The following USP34 variants were observed in gnomAD, a reference collection of about 807,000 sequenced individuals.
USP34 encodes the protein ubiquitin specific peptidase 34, also known as ubiquitin carboxyl-terminal hydrolase 34.
Under a neutral mutation model 460.3 loss-of-function variants are expected in USP34, and 70 were observed. The observed-to-expected ratio is 0.15, with a 90% CI of 0.13 to 0.19. USP34 has a LOEUF of 0.19. Ranked by LOEUF, USP34 falls within the 10% of genes least tolerant of loss-of-function variation. The probability of loss-of-function intolerance (pLI) is 1.00; values close to 1 mark genes in which losing one functional copy is unlikely to be tolerated. For synonymous variants in USP34, 1,647 were observed against 1,405.3 expected (o/e 1.17, Z -3.85); for missense variants, 3,985 against 4,236.2 (o/e 0.94, Z 1.65).
intron 15 of USP34, 130 bp downstream of exon 15, chr2:61,347,740 C>G: frequency 6.9e-7 from 1 of 1,450,922 alleles, no homozygotes; most frequent in Non-Finnish European, 9.1e-7. Flanking sequence ...CTATTTGTAG[C>G]TTACATTTAT....
intron 10 of USP34, among the ~76,000 whole-genome samples, chr2:61,367,320 A>ACG (rs548208348): frequency 4.5e-4 from 67 of 150,362 alleles, no homozygotes; most frequent in African/African-American, 1.5e-3. Flanking sequence ...GCACACACAC[A>ACG]CGCGCGCGCA....
chr2:61,288,816 G>A lies in USP34; in HGVS notation c.4610C>T (p.Ser1537Phe). Residue 1537 changes from serine to phenylalanine, a missense_variant, in exon 34 of 80, where the codon TCC (serine) becomes TTC (phenylalanine). Coordinates refer to ENST00000398571, the MANE Select transcript of USP34 (RefSeq NM_014709.4). ...ATCATGATAAGCTAAATCCAAATCG[G>A]ATGGATCTACTGCAAACTGGCATAT... ...KLICQFAVDP[S>F]DLDLAYHDVF... 6.2e-7 allele frequency: 1 copy of A among 1,613,830 alleles called. No individual in the cohort carries two copies. Among genetic ancestry groups the A allele is most frequent in the Non-Finnish European group, 8.5e-7 (1 of 1,179,952 alleles).
intron 1 of USP34, among the ~76,000 whole-genome samples, chr2:61,437,046 G>A (rs1291388114): frequency 6.6e-6 from 1 of 152,182 alleles, no homozygotes. Context: ...CAAAAGCGGT[G>A]CACTGCTAAG....
intron 2 of USP34, among the ~76,000 whole-genome samples, chr2:61,411,464 C>G (rs1187969786): frequency 6.6e-6 from 1 of 152,038 alleles, no homozygotes; most frequent in Non-Finnish European, 1.5e-5. Context: ...AGTACCCTTC[C>G]TATCTGGTAA....
rs551644832 is a variant in USP34, at chr2:61,408,298, A to G, written c.132-2170T>C. 8.5e-4 allele frequency among the ~76,000 whole-genome samples: 129 copies of G among 152,216 alleles called. 2 individuals carry two copies. Among genetic ancestry groups the G allele is most frequent in the African/African-American group, 2.7e-3 (114 of 41,552 alleles). On this transcript the variant is annotated intron_variant, in intron 2 of 79. Transcript: ENST00000398571. ...AGAACCAAACAGCTAAAGGACTCCC[A>G]AATTCCTGTCCCATTGAAACTTTGA... is the stretch of plus-strand genomic sequence containing the variant.
chr2:61,307,974 G>A (rs558007357), intron 27 of USP34, among the ~76,000 whole-genome samples: 3 of 152,034 alleles, frequency 2.0e-5, no homozygotes, highest in South Asian at 4.1e-4. Context: ...ACCTGAGAAC[G>A]GGAGGTTAAG....
At chr2:61,417,432 C>T in intron 2 of USP34, 1 of 383,306 alleles carries the variant, frequency 2.6e-6, no homozygotes, top group East Asian at 5.1e-5. Context: ...TGTTAAACAG[C>T]ACTTAAAAAT....
chr2:61,248,693 A>G lies in USP34; in HGVS notation c.6222-10T>C. 1 of 1,541,544 alleles carries G rather than the reference A, an allele frequency of 6.5e-7. No individual in the cohort carries two copies. On this transcript the variant is annotated splice_polypyrimidine_tract_variant and intron_variant, in intron 48 of 79. Coordinates refer to ENST00000398571, the MANE Select transcript of USP34 (RefSeq NM_014709.4). ...TTTCTTAAAACATGCCCTGAGAGACAAGAAAAAAATTAATAAAGATTATTT... is the reference window on the plus strand; with the variant it reads ...TTTCTTAAAACATGCCCTGAGAGACGAGAAAAAAATTAATAAAGATTATTT...
At chr2:61,435,722 T>C (rs985213072) in intron 1 of USP34, among the ~76,000 whole-genome samples, 2 of 152,142 alleles carry the variant, frequency 1.3e-5, no homozygotes, top group Non-Finnish European at 2.9e-5. Context: ...ATGATTTAAA[T>C]TCCCCCATTT....
intron 68 of USP34, among the ~76,000 whole-genome samples, chr2:61,213,390 A>T (rs544750779): frequency 6.6e-6 from 1 of 150,846 alleles, no homozygotes; most frequent in East Asian, 1.9e-4. Flanking sequence ...CACCATCTAG[A>T]AAAAAAAAGA....
chr2:61,451,501 A>C (rs1695275806), intron 1 of USP34, among the ~76,000 whole-genome samples: 1 of 151,830 alleles, frequency 6.6e-6, no homozygotes. Context: ...CCTGACCAAG[A>C]GAGAAACCCC....
At chr2:61,226,854 A>C (rs1687743612) in intron 62 of USP34, 1 of 511,536 alleles carries the variant, frequency 2.0e-6, no homozygotes, top group Non-Finnish European at 3.2e-6. Flanking sequence ...AGATGAAGTA[A>C]AAGTTTGGTA....
At chr2:61,257,892 A>G (rs373437378) in intron 44 of USP34, among the ~76,000 whole-genome samples, 30 of 152,318 alleles carry the variant, frequency 2.0e-4, no homozygotes, top group African/African-American at 7.2e-4. Flanking sequence ...AAAACAAAAC[A>G]AACAAAAAAA....
chr2:61,348,834 A>G lies in USP34; in HGVS notation c.1596T>C (p.Ser532=), dbSNP rs777288430. 1.2e-6 allele frequency: 2 copies of G among 1,613,788 alleles called. No individual in the cohort carries two copies. Among genetic ancestry groups the G allele is most frequent in the East Asian group, 4.5e-5 (2 of 44,836 alleles). The change falls in exon 14 of 80, where the codon AGT becomes AGC. Residue 532 remains serine (S), a synonymous_variant. Transcript: ENST00000398571. ...QSSDNSDTHQ[S]GGSDIEMDEQ... ...CATCCATTTCAATGTCACTACCTCCACTTTGATGTGTATCGCTATTATCAC... is the reference window on the plus strand; with the variant it reads ...CATCCATTTCAATGTCACTACCTCCGCTTTGATGTGTATCGCTATTATCAC...
chr2:61,294,735 A>G (rs1416790718), intron 32 of USP34, among the ~76,000 whole-genome samples: 4 of 152,148 alleles, frequency 2.6e-5, no homozygotes, highest in South Asian at 2.1e-4. Flanking sequence ...CAGTATTTCA[A>G]TAGAGGGAAA....
At chr2:61,309,324 A>T (rs978516331) in intron 27 of USP34, among the ~76,000 whole-genome samples, 1 of 152,204 alleles carries the variant, frequency 6.6e-6, no homozygotes, top group Non-Finnish European at 1.5e-5. Flanking sequence ...AAACACACAC[A>T]CAAAGACAAC....
At chr2:61,317,523 T>C (rs1690788692) in intron 23 of USP34, 131 bp downstream of exon 23, 5 of 714,406 alleles carry the variant, frequency 7.0e-6, no homozygotes, top group Non-Finnish European at 1.1e-5. Context: ...ATAGACTCCA[T>C]CTCAAAACAA....
chr2:61,328,775 A>G (rs1691174105), intron 20 of USP34, among the ~76,000 whole-genome samples: 1 of 152,170 alleles, frequency 6.6e-6, no homozygotes, highest in Admixed American at 6.5e-5. Context: ...TCTCAGACCT[A>G]TGTTCCTTTT....
intron 1 of USP34, 53 bp downstream of exon 1, chr2:61,470,597 G>C: frequency 2.3e-6 from 3 of 1,320,870 alleles, no homozygotes; most frequent in Non-Finnish European, 3.2e-6. Context: ...CCAGAGAGCT[G>C]CGCGAGGACC....
Sources: gnomAD v4.1 joint callset for allele counts (sites outside exome capture counted in the v4.1 genomes callset) on GRCh38, gnomAD v4.1.1 for gene constraint, MANE v1.5 for transcripts, NCBI Gene and HGNC (gene_info 2026-07-23, HGNC 2026-07-21) for gene names.